Variants in CPEB1 observed in about 807,000 individuals in gnomAD.
CPEB1 encodes cytoplasmic polyadenylation element-binding protein 1.
A neutral mutation model predicts 65.8 loss-of-function variants in CPEB1; 7 were observed. The observed-to-expected ratio is 0.11, with a 90% confidence interval of 0.06 to 0.20. The LOEUF is 0.20. Among genes scored for constraint, CPEB1 ranks in the 10% least tolerant of loss-of-function variants. The pLI, the probability that CPEB1 is intolerant of heterozygous loss-of-function variation, is 1.00. For missense variants in CPEB1, 551 were observed against 712.2 expected (o/e 0.77, Z 2.58); for synonymous variants, 262 against 260.0 (o/e 1.01, Z -0.08).
At chr15:82,589,317 T>TA (rs2042036672) in intron 3 of CPEB1, among the ~76,000 whole-genome samples, 2 of 152,264 alleles carry the variant, frequency 1.3e-5, no homozygotes, top group Non-Finnish European at 2.9e-5. Context: ...TATTCAGTCT[T>TA]CAGCTTAAAT....
chr15:82,614,511 T>C (rs1052319476), intron 3 of CPEB1, among the ~76,000 whole-genome samples: 1 of 152,164 alleles, frequency 6.6e-6, no homozygotes, highest in African/African-American at 2.4e-5. Context: ...TAAATACTGA[T>C]TGTGAACACA....
chr15:82,623,528 T>C (rs1254947378), intron 3 of CPEB1, among the ~76,000 whole-genome samples: 2 of 152,034 alleles, frequency 1.3e-5, no homozygotes, highest in African/African-American at 4.8e-5. Flanking sequence ...ATACAAAAAT[T>C]AGCCAGGCGT....
intron 3 of CPEB1, chr15:82,573,194 T>C (rs2040275070): frequency 2.0e-6 from 3 of 1,523,482 alleles, no homozygotes; most frequent in African/African-American, 1.4e-5. Context: ...CACTCAGGCA[T>C]AGCCTAGAAG....
chr15:82,604,485 C>CAA (rs1232646711), intron 3 of CPEB1, among the ~76,000 whole-genome samples: 12 of 80,486 alleles, frequency 1.5e-4, no homozygotes, highest in African/African-American at 5.2e-4. Flanking sequence ...GACTCCATCT[C>CAA]AAAAAAAAAA....
intron 3 of CPEB1, among the ~76,000 whole-genome samples, chr15:82,572,608 G>A (rs777137898): frequency 7.9e-5 from 12 of 152,268 alleles, no homozygotes; most frequent in South Asian, 2.1e-4. Context: ...AAACACTCTC[G>A]AAGCAGCATC....
chr15:82,627,470 T>C, intron 2 of CPEB1, 103 bp from the exon 3 acceptor site: 1 of 826,608 alleles, frequency 1.2e-6, no homozygotes, highest in Non-Finnish European at 1.8e-6. Flanking sequence ...CTTAAGTATC[T>C]TCTTTATACA....
At chr15:82,631,554 T>C (rs1364384677) in intron 1 of CPEB1, among the ~76,000 whole-genome samples, 1 of 152,180 alleles carries the variant, frequency 6.6e-6, no homozygotes, top group African/African-American at 2.4e-5. Context: ...GTACTTAGCA[T>C]AGGGCCTGAC....
chr15:82,604,891 CA>C (rs1218972791), intron 3 of CPEB1, among the ~76,000 whole-genome samples: 1 of 151,962 alleles, frequency 6.6e-6, no homozygotes, highest in African/African-American at 2.4e-5. Flanking sequence ...TCTACATATT[CA>C]AAAAATCCAA....
chr15:82,590,263 C>T (rs1309215736), intron 3 of CPEB1, among the ~76,000 whole-genome samples: 1 of 143,418 alleles, frequency 7.0e-6, no homozygotes, highest in Non-Finnish European at 1.5e-5. Flanking sequence ...TCATTAATTC[C>T]TAAGAAAACT....
rs192889899 is a variant in CPEB1 at position 82,564,603 on chromosome 15, A to G, written c.461-6617T>C. On this transcript the variant is annotated intron_variant, in intron 4 of 12. Transcript: ENST00000684509. ...CCACTGCGCCCAGCCTAAGGACACA[A>G]TGTTGACTTAGAGTGTAATACAGAT... 1.1e-4 allele frequency among the ~76,000 whole-genome samples: 16 copies of G among 152,286 alleles called. No individual in the cohort carries two copies. The East Asian group carries it at 2.9e-3, about 28-fold the overall frequency.
At chr15:82,562,063 C>G (rs1408006276) in intron 4 of CPEB1, 1 of 369,342 alleles carries the variant, frequency 2.7e-6, no homozygotes, top group Non-Finnish European at 5.2e-6. Flanking sequence ...CAAAAGGAAA[C>G]CAAGACTTGG....
At chr15:82,547,071 C>A (rs2035359169) in intron 11 of CPEB1, 72 bp downstream of exon 11, 1 of 1,018,468 alleles carries the variant, frequency 9.8e-7, no homozygotes, top group East Asian at 2.4e-5. Context: ...AGGTCTCAGG[C>A]CTGCCCTGGG....
intron 3 of CPEB1, among the ~76,000 whole-genome samples, chr15:82,620,556 C>T (rs188419592): frequency 3.3e-4 from 50 of 151,944 alleles, no homozygotes; most frequent in Non-Finnish European, 4.9e-4. Flanking sequence ...CCAACACTTT[C>T]GGAAGCCAAG....
chr15:82,545,648 A>C (rs142753880), intron 12 of CPEB1, among the ~76,000 whole-genome samples: 111 of 152,312 alleles, frequency 7.3e-4, no homozygotes, highest in Non-Finnish European at 8.5e-4. Context: ...CCAGATCCAC[A>C]TTCCATCACC....
At chr15:82,565,797 T>C (rs573076582) in intron 4 of CPEB1, among the ~76,000 whole-genome samples, 7 of 152,244 alleles carry the variant, frequency 4.6e-5, no homozygotes, top group Non-Finnish European at 1.0e-4. Flanking sequence ...GTTTACCAAG[T>C]GCCTCCAGCT....
intron 3 of CPEB1, chr15:82,572,933 T>G: frequency 8.7e-7 from 1 of 1,151,758 alleles, no homozygotes; most frequent in South Asian, 2.0e-5. Context: ...TTTTCCAACA[T>G]GAGCCCAGGG....
chr15:82,613,863 C>T (rs541798873), intron 3 of CPEB1, among the ~76,000 whole-genome samples: 4 of 152,220 alleles, frequency 2.6e-5, no homozygotes, highest in African/African-American at 7.2e-5. Context: ...CACCCCGCCC[C>T]GCTCCCCCCT....
At chr15:82,642,084 A>G (rs4778686) in intron 1 of CPEB1, among the ~76,000 whole-genome samples, 82,491 of 152,114 alleles carry the variant, frequency 0.54, 22,688 homozygotes, top group Non-Finnish European at 0.6. Context: ...AGTTTACTAT[A>G]ATTGAGAAAT....
chr15:82,547,004 T>A, intron 11 of CPEB1, 139 bp downstream of exon 11: 1 of 621,480 alleles, frequency 1.6e-6, no homozygotes, highest in Non-Finnish European at 2.9e-6. Context: ...CTAACCTCAA[T>A]GTTAATTCTC....
Sources: allele counts gnomAD v4.1 joint callset (sites outside exome capture counted in the v4.1 genomes callset), GRCh38; gene constraint gnomAD v4.1.1; transcripts MANE v1.5; gene names NCBI Gene and HGNC (gene_info 2026-07-23, HGNC 2026-07-21).